PTPRZ1: variants seen among roughly 807,000 people sequenced by gnomAD.
The protein encoded by PTPRZ1 is protein tyrosine phosphatase receptor type Z1, also known as receptor-type tyrosine-protein phosphatase zeta.
In PTPRZ1, 82 loss-of-function variants were observed where a neutral mutation model predicts 214.1. That is an observed-to-expected ratio of 0.38 (90% CI 0.32 to 0.46). The LOEUF (loss-of-function observed/expected upper bound fraction) is 0.46. PTPRZ1 is among the 20% of genes least tolerant of loss of function. The probability of loss-of-function intolerance (pLI) is 1.00; values close to 1 mark genes in which losing one functional copy is unlikely to be tolerated. For synonymous variants in PTPRZ1, 945 were observed against 987.9 expected (o/e 0.96, Z 0.81); for missense variants, 2,603 against 2,748.7 (o/e 0.95, Z 1.19).
At chr7:122,017,044 G>A (rs1798864140) in intron 12 of PTPRZ1, among the ~76,000 whole-genome samples, 1 of 152,012 alleles carries the variant, frequency 6.6e-6, no homozygotes, top group Non-Finnish European at 1.5e-5. Flanking sequence ...GGGATCAAAC[G>A]TCAAGAAAAT....
chr7:121,905,470 A>G (rs1450413319), intron 1 of PTPRZ1, among the ~76,000 whole-genome samples: 1 of 152,186 alleles, frequency 6.6e-6, no homozygotes, highest in Non-Finnish European at 1.5e-5. Context: ...AAGGCCATGC[A>G]GATATGAAAT....
intron 1 of PTPRZ1, among the ~76,000 whole-genome samples, chr7:121,889,956 A>G (rs1170437069): frequency 1.3e-5 from 2 of 152,120 alleles, no homozygotes; most frequent in Non-Finnish European, 2.9e-5. Context: ...AGCCACATAC[A>G]TTGTACTCCA....
At chr7:122,056,415 C>A (rs2150493637) in intron 27 of PTPRZ1, among the ~76,000 whole-genome samples, 1 of 151,686 alleles carries the variant, frequency 6.6e-6, no homozygotes, top group Middle Eastern at 3.4e-3. Flanking sequence ...AATCCAGGAG[C>A]CCAACCCAGG....
chr7:121,927,518 T>C (rs1411447582), intron 1 of PTPRZ1, among the ~76,000 whole-genome samples: 2 of 152,194 alleles, frequency 1.3e-5, no homozygotes, highest in African/African-American at 4.8e-5. Context: ...TCATGGGGCA[T>C]TGACTATTTT....
intron 2 of PTPRZ1, among the ~76,000 whole-genome samples, chr7:121,949,128 G>C (rs905370495): frequency 3.9e-5 from 6 of 152,054 alleles, no homozygotes; most frequent in Non-Finnish European, 5.9e-5. Flanking sequence ...GGGACAACTC[G>C]AAGCAAAGGT....
At chr7:121,999,006 T>TACTTGG (rs1223665359) in intron 10 of PTPRZ1, among the ~76,000 whole-genome samples, 1 of 152,272 alleles carries the variant, frequency 6.6e-6, no homozygotes, top group East Asian at 1.9e-4. Flanking sequence ...TTAAATAAAG[T>TACTTGG]ACTTGCTCAT....
chr7:122,042,982 G>A (rs570249290), intron 22 of PTPRZ1, among the ~76,000 whole-genome samples: 1 of 152,248 alleles, frequency 6.6e-6, no homozygotes, highest in South Asian at 2.1e-4. Flanking sequence ...CGTGGCTTGT[G>A]GCAGCACAAT....
chr7:121,978,317 T>C (rs1797503159), intron 6 of PTPRZ1, among the ~76,000 whole-genome samples: 1 of 152,188 alleles, frequency 6.6e-6, no homozygotes, highest in Admixed American at 6.5e-5. Context: ...TCTCTCTCTG[T>C]CTCTCTACCT....
intron 2 of PTPRZ1, among the ~76,000 whole-genome samples, chr7:121,941,632 C>T (rs769172211): frequency 1.2e-4 from 19 of 152,136 alleles, no homozygotes; most frequent in South Asian, 2.1e-4. Context: ...GCTTAAATGT[C>T]TAAATTAATT....
At chr7:122,053,874 G>T in intron 25 of PTPRZ1, 36 bp from the exon 26 acceptor site, 1 of 1,608,434 alleles carries the variant, frequency 6.2e-7, no homozygotes, top group Non-Finnish European at 8.5e-7. Flanking sequence ...AAAGGCATAC[G>T]CCAGTGCTGT....
At chr7:122,005,569 G>A (rs1456101199) in intron 11 of PTPRZ1, among the ~76,000 whole-genome samples, 2 of 151,808 alleles carry the variant, frequency 1.3e-5, no homozygotes, top group African/African-American at 4.8e-5. Context: ...TTTGTAACAG[G>A]AGTTTATAGA....
At chr7:121,951,818 A>G (rs942331706) in intron 2 of PTPRZ1, among the ~76,000 whole-genome samples, 1 of 152,212 alleles carries the variant, frequency 6.6e-6, no homozygotes, top group African/African-American at 2.4e-5. Flanking sequence ...CCAGTTAAAC[A>G]AAGGCAAGGA....
intron 29 of PTPRZ1, among the ~76,000 whole-genome samples, chr7:122,060,097 C>T (rs1462860311): frequency 2.0e-5 from 3 of 152,120 alleles, no homozygotes; most frequent in African/African-American, 4.8e-5. Flanking sequence ...ACTTTTAAAT[C>T]TCATGTTTGC....
intron 1 of PTPRZ1, among the ~76,000 whole-genome samples, chr7:121,889,798 G>A (rs777774902): frequency 5.9e-5 from 9 of 152,040 alleles, no homozygotes; most frequent in South Asian, 2.1e-4. Context: ...TGCCTTTGAC[G>A]TTGGTACATC....
chr7:122,044,312 C>A, intron 22 of PTPRZ1, 110 bp from the exon 23 acceptor site: 1 of 1,288,002 alleles, frequency 7.8e-7, no homozygotes, highest in Non-Finnish European at 1.1e-6. Context: ...GTGGGTCTTC[C>A]CCCATTCTGT....
intron 10 of PTPRZ1, among the ~76,000 whole-genome samples, chr7:122,000,357 C>A (rs1365741832): frequency 6.6e-6 from 1 of 151,678 alleles, no homozygotes; most frequent in African/African-American, 2.4e-5. Context: ...TATCTTGTGG[C>A]TTGGTAAAAC....
intron 8 of PTPRZ1, among the ~76,000 whole-genome samples, chr7:121,990,130 T>C (rs1797904290): frequency 6.6e-6 from 1 of 152,178 alleles, no homozygotes; most frequent in African/African-American, 2.4e-5. Context: ...ATTATAAATA[T>C]CTAACATCCT....
intron 15 of PTPRZ1, chr7:122,032,038 A>G (rs1417214682): frequency 6.6e-6 from 1 of 152,132 alleles, no homozygotes; most frequent in African/African-American, 2.4e-5. Context: ...GAAAATATGC[A>G]TTTCTAAAAA....
At chr7:121,902,637 A>G (rs186127579) in intron 1 of PTPRZ1, among the ~76,000 whole-genome samples, 1 of 152,000 alleles carries the variant, frequency 6.6e-6, no homozygotes, top group African/African-American at 2.4e-5. Context: ...TTTTTCACTT[A>G]CCTATCTGCC....
Sources: allele counts gnomAD v4.1 joint callset (sites outside exome capture counted in the v4.1 genomes callset), GRCh38; gene constraint gnomAD v4.1.1; transcripts MANE v1.5; gene names NCBI Gene and HGNC (gene_info 2026-07-23, HGNC 2026-07-21).